RIC8B: variants seen among roughly 807,000 people sequenced by gnomAD.
RIC8B encodes the protein chaperone Ric-8B.
Under a neutral mutation model 57.5 loss-of-function variants are expected in RIC8B, and 16 were observed. That is an observed-to-expected ratio of 0.28 (90% CI 0.19 to 0.42). The LOEUF (loss-of-function observed/expected upper bound fraction) is 0.42. RIC8B is among the 10% of genes least tolerant of loss of function. The pLI, the probability that RIC8B is intolerant of heterozygous loss-of-function variation, is 1.00. For synonymous variants in RIC8B, 216 were observed against 250.8 expected (o/e 0.86, Z 1.31); for missense variants, 481 against 677.0 (o/e 0.71, Z 3.21).
At chr12:106,809,905 G>A (rs1811458) in intron 2 of RIC8B, among the ~76,000 whole-genome samples, 57,997 of 151,638 alleles carry the variant, frequency 0.38, 11,272 homozygotes, top group African/African-American at 0.44. Context: ...TAATTGACCT[G>A]TTGGGCTACT....
intron 6 of RIC8B, among the ~76,000 whole-genome samples, chr12:106,845,563 C>T (rs1471748488): frequency 6.6e-6 from 1 of 152,078 alleles, no homozygotes; most frequent in East Asian, 1.9e-4. Context: ...TAACTTTGCA[C>T]CTGCATTTAT....
Position 106,781,024 on chromosome 12 carries a change from A to C in RIC8B, c.85-2973A>C, listed in dbSNP as rs561588061. ...CCTGATCCTGAGCTTTTTAGAGCTT[A>C]TTCATGGAGTATGAAACCTGTAGTG... is the stretch of plus-strand genomic sequence containing the variant. On this transcript the variant is annotated intron_variant, in intron 1 of 9. Transcript: ENST00000392837. 2.0e-5 allele frequency among the ~76,000 whole-genome samples: 3 copies of C among 152,340 alleles called. No individual in the cohort carries two copies. The South Asian group carries it at 6.2e-4, about 32-fold the overall frequency.
chr12:106,885,616 ACCTGCTCCTTGT>A, intron 9 of RIC8B, among the ~76,000 whole-genome samples: 1 of 151,480 alleles, frequency 6.6e-6, no homozygotes, highest in Middle Eastern at 3.5e-3. Context: ...AACAGAAGAG[ACCTGCTCCTTGT>A]CCTGAGCCCA....
At chr12:106,817,186 G>A (rs1327319505) in intron 3 of RIC8B, among the ~76,000 whole-genome samples, 1 of 152,112 alleles carries the variant, frequency 6.6e-6, no homozygotes, top group African/African-American at 2.4e-5. Context: ...TAGACATAAT[G>A]CCCTGCATTA....
At chr12:106,815,359 C>G in intron 3 of RIC8B, 55 bp downstream of exon 3, 2 of 1,508,148 alleles carry the variant, frequency 1.3e-6, no homozygotes, top group Non-Finnish European at 8.9e-7. Context: ...TCTGGGACAT[C>G]CCTAGAGTTT....
intron 8 of RIC8B, among the ~76,000 whole-genome samples, chr12:106,869,047 G>A (rs535185842): frequency 1.2e-4 from 19 of 152,018 alleles, no homozygotes; most frequent in Admixed American, 7.2e-4. Flanking sequence ...GGGACTCTAC[G>A]CCCCTATCTA....
chr12:106,795,073 G>A (rs1156959660), intron 2 of RIC8B, among the ~76,000 whole-genome samples: 2 of 152,086 alleles, frequency 1.3e-5, no homozygotes, highest in Non-Finnish European at 2.9e-5. Context: ...GGATCCACAA[G>A]AACAAATCAA....
At chr12:106,844,021 T>C in intron 6 of RIC8B, 74 bp downstream of exon 6, 2 of 1,020,720 alleles carry the variant, frequency 2.0e-6, no homozygotes, top group Admixed American at 1.9e-5. Context: ...TTAATTGAAT[T>C]TTCTCACAAT....
chr12:106,795,728 T>C (rs1015501872), intron 2 of RIC8B, among the ~76,000 whole-genome samples: 1 of 152,156 alleles, frequency 6.6e-6, no homozygotes, highest in Admixed American at 6.5e-5. Context: ...TACAGGCTGC[T>C]CTTTGTTAGA....
chr12:106,803,507 C>G (rs2044849375), intron 2 of RIC8B, among the ~76,000 whole-genome samples: 1 of 152,104 alleles, frequency 6.6e-6, no homozygotes, highest in Non-Finnish European at 1.5e-5. Flanking sequence ...GTGTGTGTAT[C>G]CTGCCATTTT....
chr12:106,793,462 T>C (rs373057741), intron 2 of RIC8B, among the ~76,000 whole-genome samples: 4 of 152,286 alleles, frequency 2.6e-5, no homozygotes, highest in Middle Eastern at 3.4e-3. Flanking sequence ...ATTGGAGATA[T>C]AGGTTAACCC....
At chr12:106,801,404 C>G (rs759068755) in intron 2 of RIC8B, among the ~76,000 whole-genome samples, 38 of 152,104 alleles carry the variant, frequency 2.5e-4, no homozygotes, top group Non-Finnish European at 5.0e-4. Flanking sequence ...AATTGTTTCT[C>G]AGAACTTTAT....
At chr12:106,822,077 C>CAAAAAAAAAAAAAAAA (rs67378158) in intron 3 of RIC8B, among the ~76,000 whole-genome samples, 12 of 38,034 alleles carry the variant, frequency 3.2e-4, no homozygotes, top group South Asian at 1.1e-3. Flanking sequence ...GACTCCATCT[C>CAAAAAAAAAAAAAAAA]AAAAAAAAAA....
At chr12:106,811,973 CTAA>C (rs943890074) in intron 2 of RIC8B, among the ~76,000 whole-genome samples, 20 of 152,100 alleles carry the variant, frequency 1.3e-4, no homozygotes, top group Admixed American at 6.5e-4. Context: ...TTATTTGTTT[CTAA>C]TAATATTCTT....
chr12:106,853,469 T>G (rs1234071078), intron 7 of RIC8B, among the ~76,000 whole-genome samples: 1 of 120,210 alleles, frequency 8.3e-6, no homozygotes, highest in Admixed American at 8.3e-5. Flanking sequence ...TTTTTTTTTT[T>G]TTTTTTTTTT....
At chr12:106,814,266 GTTC>G (rs1335961064) in intron 2 of RIC8B, among the ~76,000 whole-genome samples, 1 of 152,130 alleles carries the variant, frequency 6.6e-6, no homozygotes, top group African/African-American at 2.4e-5. Flanking sequence ...GTCAGCAAAA[GTTC>G]TTCTCTGGGG....
intron 8 of RIC8B, among the ~76,000 whole-genome samples, chr12:106,870,209 A>G (rs768689441): frequency 1.3e-5 from 2 of 152,160 alleles, no homozygotes; most frequent in Non-Finnish European, 2.9e-5. Context: ...CCAGGATGAT[A>G]TACCTGTCTC....
At chr12:106,872,950 T>C (rs1165696216) in intron 9 of RIC8B, 2 of 833,512 alleles carry the variant, frequency 2.4e-6, no homozygotes, top group Admixed American at 6.2e-5. Flanking sequence ...GGCTTACTAA[T>C]AGAGGAACTA....
chr12:106,774,742 G>A lies in RIC8B; in HGVS notation c.-4G>A, dbSNP rs2043355916. On this transcript the variant is annotated 5_prime_UTR_variant, in exon 1 of 10. Transcript: ENST00000392837. Reference sequence around the variant, plus strand: ...GCGGCCGCGGCTCCCCCGCACCTGCGGCCATGGATGAGGAGCGCGCCCTCT... The same window carrying A: ...GCGGCCGCGGCTCCCCCGCACCTGCAGCCATGGATGAGGAGCGCGCCCTCT... 3.2e-6 allele frequency: 5 copies of A among 1,548,690 alleles called. No individual in the cohort carries two copies. Among genetic ancestry groups the A allele is most frequent in the South Asian group, 1.2e-5 (1 of 83,902 alleles).
Sources: gnomAD v4.1 joint callset for allele counts (sites outside exome capture counted in the v4.1 genomes callset) on GRCh38, gnomAD v4.1.1 for gene constraint, MANE v1.5 for transcripts, NCBI Gene and HGNC (gene_info 2026-07-23, HGNC 2026-07-21) for gene names.